The following NREP variants were observed in gnomAD, a reference collection of about 807,000 sequenced individuals.
The protein encoded by NREP is neuronal regeneration related protein.
Under a neutral mutation model 8.6 loss-of-function variants are expected in NREP, and 5 were observed. That is an observed-to-expected ratio of 0.58 (90% CI 0.30 to 1.22). NREP has a LOEUF of 1.22. NREP is among the 50% of genes most tolerant of loss of function. The pLI is 0.07. For synonymous variants in NREP, 27 were observed against 28.0 expected (o/e 0.96, Z 0.11); for missense variants, 86 against 82.5 (o/e 1.04, Z -0.17).
At chr5:111,938,920 G>A (rs888513222) in intron 2 of NREP, among the ~76,000 whole-genome samples, 1 of 151,982 alleles carries the variant, frequency 6.6e-6, no homozygotes, top group Admixed American at 6.6e-5. Flanking sequence ...CTTACTGGAT[G>A]AAAAGAATGT....
intron 2 of NREP, among the ~76,000 whole-genome samples, chr5:111,924,921 G>C (rs757474768): frequency 6.6e-6 from 1 of 152,096 alleles, no homozygotes; most frequent in Non-Finnish European, 1.5e-5. Flanking sequence ...GAGCTAAAAT[G>C]TCTCCACGTA....
chr5:111,942,219 C>A (rs1314762141), intron 2 of NREP, among the ~76,000 whole-genome samples: 2 of 151,882 alleles, frequency 1.3e-5, no homozygotes, highest in Non-Finnish European at 2.9e-5. Context: ...TGATGCTTAC[C>A]ATAAAATGTT....
chr5:111,845,596 T>C (rs1753143485), intron 2 of NREP, among the ~76,000 whole-genome samples: 1 of 152,180 alleles, frequency 6.6e-6, no homozygotes, highest in Non-Finnish European at 1.5e-5. Flanking sequence ...GTTATTCCAG[T>C]GACTTTTCAG....
At chr5:111,746,526 G>A (rs1750017210) in intron 2 of NREP, among the ~76,000 whole-genome samples, 1 of 152,024 alleles carries the variant, frequency 6.6e-6, no homozygotes, top group Non-Finnish European at 1.5e-5. Context: ...TCAGAGATAT[G>A]GACAGAATTT....
intron 2 of NREP, among the ~76,000 whole-genome samples, chr5:111,974,757 T>C (rs1305167159): frequency 6.6e-6 from 1 of 152,246 alleles, no homozygotes; most frequent in African/African-American, 2.4e-5. Flanking sequence ...TTAAGTTCAT[T>C]TCCCATTGTA....
At chr5:111,883,329 C>T in intron 2 of NREP, among the ~76,000 whole-genome samples, 1 of 152,106 alleles carries the variant, frequency 6.6e-6, no homozygotes, top group Non-Finnish European at 1.5e-5. Flanking sequence ...AAAGCAAGTC[C>T]TGAGTGACCT....
At chr5:111,926,458 G>C (rs1207173693) in intron 2 of NREP, among the ~76,000 whole-genome samples, 3 of 152,136 alleles carry the variant, frequency 2.0e-5, no homozygotes, top group African/African-American at 7.2e-5. Flanking sequence ...GGCAAAGAAA[G>C]CCTGTACATA....
At chr5:111,796,541 C>T (rs1319404628) in intron 2 of NREP, among the ~76,000 whole-genome samples, 3 of 152,248 alleles carry the variant, frequency 2.0e-5, no homozygotes, top group East Asian at 1.9e-4. Flanking sequence ...TCTGCTTACT[C>T]GTGTAATTCT....
chr5:111,763,554 G>A (rs1048128519), intron 2 of NREP, among the ~76,000 whole-genome samples: 4 of 152,178 alleles, frequency 2.6e-5, no homozygotes, highest in Non-Finnish European at 2.9e-5. Context: ...AGAGATAAAC[G>A]AAAGGAATGT....
intron 2 of NREP, among the ~76,000 whole-genome samples, chr5:111,769,557 T>C (rs994075456): frequency 6.6e-5 from 10 of 152,140 alleles, no homozygotes; most frequent in Non-Finnish European, 1.0e-4. Context: ...GGTGTATTCA[T>C]CTGTCTTCAT....
At chr5:111,927,608 A>G (rs961180657) in intron 2 of NREP, among the ~76,000 whole-genome samples, 1 of 152,172 alleles carries the variant, frequency 6.6e-6, no homozygotes, top group Non-Finnish European at 1.5e-5. Context: ...ATTGTATCCT[A>G]TGTAAAAATA....
rs1044611848 is a variant in NREP at position 111,844,165 on chromosome 5, G to A, written c.136-108658C>T. On this transcript the variant is annotated intron_variant, in intron 2 of 3. Coordinates refer to the NREP transcript ENST00000395634. ...AGATAGAATAAAAGAGTTATAAAGT[G>A]AAAAAAGAATGCTACTGTGGAAATC... Among the ~76,000 whole-genome samples, 6 of 151,978 alleles carry A rather than the reference G, an allele frequency of 3.9e-5. No individual in the cohort carries two copies. In the East Asian group the frequency reaches 1.2e-3, roughly 29 times the overall value.
chr5:111,901,581 A>C (rs994215040), intron 2 of NREP, among the ~76,000 whole-genome samples: 1 of 152,124 alleles, frequency 6.6e-6, no homozygotes, highest in Admixed American at 6.6e-5. Context: ...TTCGACCCCA[A>C]AACTCTTAGA....
chr5:111,788,613 G>A (rs1368700826), intron 2 of NREP, among the ~76,000 whole-genome samples: 2 of 152,176 alleles, frequency 1.3e-5, no homozygotes, highest in Non-Finnish European at 2.9e-5. Context: ...ACTTCACATG[G>A]AATGGAATTT....
chr5:111,875,913 G>C (rs1753895979), intron 2 of NREP, among the ~76,000 whole-genome samples: 1 of 152,186 alleles, frequency 6.6e-6, no homozygotes, highest in Non-Finnish European at 1.5e-5. Flanking sequence ...TGGAAAAATG[G>C]ATGGCCGATC....
chr5:111,928,241 C>T (rs960769151), intron 2 of NREP, among the ~76,000 whole-genome samples: 2 of 152,202 alleles, frequency 1.3e-5, no homozygotes, highest in South Asian at 4.1e-4. Flanking sequence ...GAATTTTTAT[C>T]ATAAATTTAA....
intron 2 of NREP, among the ~76,000 whole-genome samples, chr5:111,804,906 C>T (rs1379052198): frequency 1.3e-5 from 2 of 152,090 alleles, no homozygotes; most frequent in Non-Finnish European, 2.9e-5. Flanking sequence ...GAGGCTGAGG[C>T]AGGAGGATGG....
intron 2 of NREP, among the ~76,000 whole-genome samples, chr5:111,837,759 TTGA>T (rs928853921): frequency 9.9e-5 from 15 of 152,064 alleles, no homozygotes; most frequent in African/African-American, 3.6e-4. Context: ...AGGTGAATTG[TTGA>T]TGAAAAACCA....
Position 111,799,678 on chromosome 5 carries a change from A to G in NREP, c.136-64171T>C, listed in dbSNP as rs192141655. ...CACTAAGAAATAAAACCTTAGGCTT[A>G]ATACCAGTTATTTCCGATTTAAGGC... On this transcript the variant is annotated intron_variant, in intron 2 of 3. Transcript: ENST00000395634. 2.1e-3 allele frequency among the ~76,000 whole-genome samples: 324 copies of G among 152,350 alleles called. 3 individuals carry two copies. Among genetic ancestry groups the G allele is most frequent in the African/African-American group, 7.3e-3 (305 of 41,598 alleles).
Sources: gnomAD v4.1 joint callset for allele counts (sites outside exome capture counted in the v4.1 genomes callset) on GRCh38, gnomAD v4.1.1 for gene constraint, MANE v1.5 for transcripts, NCBI Gene and HGNC (gene_info 2026-07-23, HGNC 2026-07-21) for gene names.